Variants in TNRC6B observed in about 807,000 individuals in gnomAD.
TNRC6B encodes the protein trinucleotide repeat containing adaptor 6B, also known as trinucleotide repeat-containing gene 6B protein.
TNRC6B carries 52 observed loss-of-function variants against 203.6 expected under a neutral mutation model. The ratio of observed to expected loss-of-function variants is 0.26; its 90% confidence interval spans 0.20 to 0.32. The LOEUF is 0.32. Among genes scored for constraint, TNRC6B ranks in the 10% least tolerant of loss-of-function variants. TNRC6B has a pLI of 1.00. For missense variants in TNRC6B, 1,923 were observed against 2,286.2 expected, an observed-to-expected ratio of 0.84 and a Z score of 3.24; for synonymous variants, 838 against 845.7, an observed-to-expected ratio of 0.99 and a Z score of 0.16.
intron 1 of TNRC6B, among the ~76,000 whole-genome samples, chr22:40,046,196 G>C (rs528904105): frequency 6.6e-6 from 1 of 152,206 alleles, no homozygotes; most frequent in African/African-American, 2.4e-5. Context: ...AGTAGTATAA[G>C]GTTTCTCTTG....
intron 1 of TNRC6B, among the ~76,000 whole-genome samples, chr22:40,235,853 A>C (rs560975577): frequency 6.6e-6 from 1 of 152,320 alleles, no homozygotes; most frequent in South Asian, 2.1e-4. Flanking sequence ...TGATTTCTCA[A>C]ATTCCTTTTG....
At chr22:40,267,741 T>G (rs951926752) in intron 5 of TNRC6B, among the ~76,000 whole-genome samples, 3 of 152,036 alleles carry the variant, frequency 2.0e-5, no homozygotes, top group Admixed American at 1.3e-4. Flanking sequence ...GTGGTGCATG[T>G]GCATATAGTC....
Position 40,312,640 on chromosome 22 carries a change from A to T in TNRC6B, c.4571A>T (p.Asp1524Val), listed in dbSNP as rs2071200349. The part of the protein sequence containing the change: ...IVDTDHQLLR[D>V]NTTGSNSSLN... Reference sequence around the variant, plus strand: ...GATACTGACCACCAACTGCTGCGGGATAACACCACAGGTACTTGAGCAAAG... The same window carrying T: ...GATACTGACCACCAACTGCTGCGGGTTAACACCACAGGTACTTGAGCAAAG... Residue 1524 changes from aspartate (D) to valine (V), a missense_variant, in exon 18 of 23, where the codon GAT becomes GTT. This residue lies in a region of TNRC6B where 159 missense variants were observed against 181.0 expected (regional missense o/e 0.88). Coordinates refer to ENST00000454349, the MANE Select transcript of TNRC6B (RefSeq NM_001162501.2). The T allele has an allele frequency of 6.2e-7, 1 of 1,611,542 alleles. No individual in the cohort carries two copies. The highest frequency in any genetic ancestry group is 1.3e-5 in the African/African-American group (1 of 74,806).
intron 2 of TNRC6B, chr22:40,125,623 G>A (rs998941309): frequency 3.3e-5 from 17 of 510,818 alleles, no homozygotes; most frequent in Admixed American, 1.1e-4. Flanking sequence ...TAAGATGCAT[G>A]TGCATAGACA....
intron 12 of TNRC6B, among the ~76,000 whole-genome samples, chr22:40,298,904 T>G (rs1234637138): frequency 6.6e-6 from 1 of 151,526 alleles, no homozygotes; most frequent in Non-Finnish European, 1.5e-5. Flanking sequence ...AGGTGGAGCT[T>G]GCAGTGAGCC....
chr22:40,237,148 G>A (rs2069959394), intron 1 of TNRC6B, among the ~76,000 whole-genome samples: 1 of 152,146 alleles, frequency 6.6e-6, no homozygotes, highest in South Asian at 2.1e-4. Context: ...GATGGCGTGA[G>A]ACTCTGTCAC....
At chr22:40,248,880 A>G (rs2070145415) in intron 2 of TNRC6B, among the ~76,000 whole-genome samples, 1 of 152,224 alleles carries the variant, frequency 6.6e-6, no homozygotes, top group African/African-American at 2.4e-5. Flanking sequence ...ATTATACTGA[A>G]CCATTGCATA....
chr22:40,311,984 GC>G (rs2071190717), intron 17 of TNRC6B, among the ~76,000 whole-genome samples: 1 of 152,178 alleles, frequency 6.6e-6, no homozygotes, highest in Non-Finnish European at 1.5e-5. Context: ...AAAATTCCGA[GC>G]CCTTATGTAT....
chr22:40,239,931 A>C (rs1270066439), intron 1 of TNRC6B, among the ~76,000 whole-genome samples: 1 of 151,818 alleles, frequency 6.6e-6, no homozygotes, highest in Non-Finnish European at 1.5e-5. Flanking sequence ...TCTGCCTCCC[A>C]GGTTCAAATG....
At position 40,323,435 on chromosome 22, in the gene TNRC6B, C is replaced by T. The variant is rs1461329773; in HGVS notation, c.*194C>T. 4 of 580,914 alleles carry T rather than the reference C, an allele frequency of 6.9e-6. No homozygotes were observed. Among genetic ancestry groups the T allele is most frequent in the African/African-American group, 5.8e-5 (3 of 51,932 alleles). 36.0% of individuals were successfully genotyped at this position (580,914 alleles called of 1,614,324 possible). ...GCCTCCCTTATAACTTCAGTTTTTT[C>T]GTTTGGAATATGAATCCAAAAAGAG... On this transcript the variant is annotated 3_prime_UTR_variant, in exon 23 of 23. Transcript: ENST00000454349.
chr22:40,084,170 T>C (rs766486067), intron 1 of TNRC6B, among the ~76,000 whole-genome samples: 3 of 152,124 alleles, frequency 2.0e-5, no homozygotes, highest in Non-Finnish European at 4.4e-5. Context: ...TGATTAACTA[T>C]GTAATCTAAG....
intron 1 of TNRC6B, among the ~76,000 whole-genome samples, chr22:40,201,426 TTTTC>T (rs999176645): frequency 6.6e-6 from 1 of 151,770 alleles, no homozygotes; most frequent in Non-Finnish European, 1.5e-5. Context: ...TGCATTTTCT[TTTTC>T]TTTTTCTTTT....
At chr22:40,119,920 A>C (rs564470653) in intron 2 of TNRC6B, among the ~76,000 whole-genome samples, 1 of 151,370 alleles carries the variant, frequency 6.6e-6, no homozygotes, top group Admixed American at 6.6e-5. Flanking sequence ...TTTGTTCAAG[A>C]AACATTGAAA....
At chr22:40,076,559 C>T (rs1365704089) in intron 1 of TNRC6B, among the ~76,000 whole-genome samples, 3 of 151,962 alleles carry the variant, frequency 2.0e-5, no homozygotes, top group Admixed American at 2.0e-4. Context: ...GTTAAAGATC[C>T]CTATCTTGTA....
intron 19 of TNRC6B, among the ~76,000 whole-genome samples, chr22:40,313,745 C>A (rs953827174): frequency 6.6e-6 from 1 of 152,208 alleles, no homozygotes; most frequent in African/African-American, 2.4e-5. Flanking sequence ...TTCTCCTTCC[C>A]ACCTCTCTGT....
At chr22:40,070,603 T>G (rs888260239) in intron 1 of TNRC6B, among the ~76,000 whole-genome samples, 5 of 152,134 alleles carry the variant, frequency 3.3e-5, no homozygotes, top group Admixed American at 1.3e-4. Flanking sequence ...ATATTCAAAG[T>G]AGAATATTTT....
Position 40,156,755 on chromosome 22 carries a change from GT to G in TNRC6B, c.113+591del, listed in dbSNP as rs542249864. ...TTAAGGGGTAATTGGTTTGTTGTTG[GT>G]TTTTTTTTTTTTTTTTTCTTGAGAC... On this transcript the variant is annotated intron_variant, in intron 4 of 23. Coordinates refer to the TNRC6B transcript ENST00000301923. 5.0e-3 allele frequency among the ~76,000 whole-genome samples: 672 copies of G among 134,960 alleles called. 6 individuals are homozygous for G. Among genetic ancestry groups the G allele is most frequent in the African/African-American group, 0.016 (565 of 35,762 alleles). The allele number at this position is 134,960 out of a possible 152,430, so 88.5% of individuals were successfully genotyped here. A position where few individuals can be genotyped will look rare whatever the true frequency, so the allele number is the denominator to read the frequency against.
rs59067007 is a variant in TNRC6B at position 40,200,278 on chromosome 22, C to CTTTTTTTTTT, written c.5+22153_5+22162dup. Among the ~76,000 whole-genome samples, 8 of 75,510 alleles carry CTTTTTTTTTT rather than the reference C, an allele frequency of 1.1e-4. 2 individuals carry two copies. The highest frequency in any genetic ancestry group is 6.0e-4 in the South Asian group (1 of 1,654). 49.5% of individuals were successfully genotyped at this position (75,510 alleles called of 152,430 possible). A position where few individuals can be genotyped will look rare whatever the true frequency, so the allele number is the denominator to read the frequency against. ...TTAAAATAATTTAAAAAGTAATATT[C>CTTTTTTTTTT]TTTTTTTTTTTTTTTTTTTTTTTTG... On this transcript the variant is annotated intron_variant, in intron 1 of 22. Coordinates refer to ENST00000454349, the MANE Select transcript of TNRC6B (RefSeq NM_001162501.2).
chr22:40,156,159 A>C, exon 4 of TNRC6B: 1 of 1,578,426 alleles, frequency 6.3e-7, no homozygotes, highest in Non-Finnish European at 8.6e-7. Context: ...GCAAGACTCC[A>C]CCTCCTGGTG....
Sources: gnomAD v4.1 joint callset for allele counts (sites outside exome capture counted in the v4.1 genomes callset) on GRCh38, gnomAD v4.1.1 for gene constraint, gnomAD v4.1.1 regional missense constraint, MANE v1.5 for transcripts, NCBI Gene and HGNC (gene_info 2026-07-23, HGNC 2026-07-21) for gene names.